The following ZNF737 variants were observed in gnomAD, a reference collection of about 807,000 sequenced individuals.
ZNF737 encodes the protein zinc finger protein 102 (Y3).
A neutral mutation model predicts 11.7 loss-of-function variants in ZNF737; 13 were observed. The observed-to-expected ratio is 1.11, with a 90% CI of 0.73 to 1.77. ZNF737 has a LOEUF of 1.77. Ranked by LOEUF, ZNF737 falls within the 40% of genes most tolerant of loss-of-function variation. ZNF737 has a pLI of 0.00. For missense variants in ZNF737, 636 were observed against 638.0 expected (o/e 1.00, Z 0.03); for synonymous variants, 217 against 216.2 (o/e 1.00, Z -0.03).
chr19:20,558,856 A>G (rs1968983493), intron 1 of ZNF737, among the ~76,000 whole-genome samples: 1 of 152,358 alleles, frequency 6.6e-6, no homozygotes, highest in Admixed American at 6.5e-5. Flanking sequence ...GACCAATGCA[A>G]CAGAATAGAG....
At chr19:20,536,976 G>A (rs1967990592), downstream of ZNF737, among the ~76,000 whole-genome samples, 1 of 151,972 alleles carries the variant, frequency 6.6e-6, no homozygotes, top group South Asian at 2.1e-4. Context: ...GGTGGCGGGT[G>A]CCTGTAGTCC....
downstream of ZNF737, among the ~76,000 whole-genome samples, chr19:20,537,509 CTATTT>C (rs1444061005): frequency 1.0e-3 from 60 of 58,456 alleles, no homozygotes; most frequent in African/African-American, 4.8e-3. Context: ...GCCTGGTTTT[CTATTT>C]TTTTTTTTTT....
In ZNF737 at chr19:20,544,918, C is replaced by T; in HGVS notation, c.1285G>A (p.Glu429Lys). Residue 429 changes from glutamate to lysine, a missense_variant, in exon 4 of 4, where the codon GAA becomes AAA. Glu to Lys is a moderately conservative substitution (Grantham distance 56). Transcript: ENST00000427401. ...AAGCACTTAAAGGCCTTGCCACATT[C>T]TTCACACTTGAAGGGTTGCTGTCCA... The part of the protein sequence containing the change: ...HTGQQPFKCE[E>K]CGKAFKCFSI... The T allele has an allele frequency of 1.9e-6, 3 of 1,612,670 alleles. No individual in the cohort carries two copies. The highest frequency in any genetic ancestry group is 1.1e-5 in the South Asian group (1 of 90,878).
chr19:20,563,185 C>G (rs1969168356), intron 1 of ZNF737, among the ~76,000 whole-genome samples: 1 of 16,892 alleles, frequency 5.9e-5, no homozygotes, highest in Non-Finnish European at 1.3e-4. Context: ...TTCATCTTAA[C>G]CTCAGCTGCA....
At chr19:20,533,917 GTGAA>G (rs1291528812), downstream of ZNF737, among the ~76,000 whole-genome samples, 1 of 150,148 alleles carries the variant, frequency 6.7e-6, no homozygotes, top group African/African-American at 2.5e-5. Flanking sequence ...CCTGGACTGA[GTGAA>G]TGGTGGTTCA....
intron 1 of ZNF737, among the ~76,000 whole-genome samples, chr19:20,564,861 TTAC>T (rs1453783772): frequency 6.6e-6 from 1 of 151,088 alleles, no homozygotes; most frequent in African/African-American, 2.4e-5. Flanking sequence ...TTTTGGGAAA[TTAC>T]TACATTAGGG....
chr19:20,545,058 G>T lies in ZNF737; in HGVS notation c.1145C>A (p.Ser382Ter). The T allele has an allele frequency of 6.2e-7, 1 of 1,613,862 alleles. No individual in the cohort carries two copies. The change falls in exon 4 of 4, where the codon TCA (serine) becomes TAA (stop). Residue 382 changes from serine to a stop codon, truncating the protein, a stop_gained. Coordinates refer to ENST00000427401, the MANE Select transcript of ZNF737 (RefSeq NM_001159293.2). LOFTEE classifies it low-confidence loss of function (END_TRUNC). ...AATTCTCTTATGTGTAGTAAGGTGT[G>T]AGGACCAGTTGAAGGCTTTGCCACA... ...EECGKAFNWS[S>*]HLTTHKRIHT...
At chr19:20,553,229 G>C (rs782514244) in intron 2 of ZNF737, among the ~76,000 whole-genome samples, 3 of 152,024 alleles carry the variant, frequency 2.0e-5, no homozygotes, top group Admixed American at 6.6e-5. Flanking sequence ...TTTGGATTAA[G>C]ATGAAACATC....
intron 3 of ZNF737, among the ~76,000 whole-genome samples, chr19:20,548,578 T>G (rs908947110): frequency 6.6e-6 from 1 of 152,136 alleles, no homozygotes; most frequent in East Asian, 1.9e-4. Context: ...AAAAGTCTTT[T>G]GCTTAACAAT....
Position 20,541,426 on chromosome 19 carries a change from A to T in ZNF737, c.*3166T>A. On this transcript the variant is annotated 3_prime_UTR_variant, in exon 4 of 4. Coordinates refer to ENST00000427401, the MANE Select transcript of ZNF737 (RefSeq NM_001159293.2). ...TTACAAGTATTTATAATTTTTCAGG[A>T]CTCAGAAATGTATGGATTTTATTTT... 1.0e-6 allele frequency: 1 copy of T among 978,496 alleles called. No homozygotes were observed. The allele number at this position is 978,496 out of a possible 1,614,324, so 60.6% of individuals were successfully genotyped here. A position where few individuals can be genotyped will look rare whatever the true frequency, so the allele number is the denominator to read the frequency against.
downstream of ZNF737, among the ~76,000 whole-genome samples, chr19:20,534,404 T>A (rs1413453493): frequency 6.7e-6 from 1 of 149,740 alleles, no homozygotes. Context: ...ATTGTGCCAT[T>A]GCACTCCAGC....
In ZNF737 at chr19:20,544,673, T is replaced by C; in HGVS notation, c.1530A>G (p.Lys510=). 6.2e-7 allele frequency: 1 copy of C among 1,606,726 alleles called. No individual in the cohort carries two copies. Among genetic ancestry groups the C allele is most frequent in the Non-Finnish European group, 8.5e-7 (1 of 1,177,440 alleles). The change falls in exon 4 of 4, where the codon AAA becomes AAG. Residue 510 remains lysine, a synonymous_variant. Coordinates refer to ENST00000427401, the MANE Select transcript of ZNF737 (RefSeq NM_001159293.2). ...KRIHTGEKPY[K]CEECGKGFKC... The stretch of plus-strand genomic sequence containing the variant: ...TAAAGCCTTTGCCACATTCTTCACA[T>C]TTGTAGGGTTTCTCTCCAGTATGAA...
chr19:20,560,243 A>T (rs1969040557), intron 1 of ZNF737, among the ~76,000 whole-genome samples: 1 of 151,074 alleles, frequency 6.6e-6, no homozygotes, highest in Admixed American at 6.6e-5. Context: ...GCTACTTGGG[A>T]ACATGAGGTA....
downstream of ZNF737, among the ~76,000 whole-genome samples, chr19:20,535,110 T>G (rs1163552228): frequency 7.5e-6 from 1 of 133,754 alleles, no homozygotes; most frequent in East Asian, 2.4e-4. Context: ...AAAGCCTGCC[T>G]CTACTAAAAA....
rs924326361 is a variant in ZNF737 at position 20,541,374 on chromosome 19, G to A, written c.*3218C>T. On this transcript the variant is annotated 3_prime_UTR_variant, in exon 4 of 4. Transcript: ENST00000427401. The stretch of plus-strand genomic sequence containing the variant: ...CTAAAAGTCTATGTGTTTGCAGGCA[G>A]AGACCACATGTTCAAGGAAAACTAT... 1.2e-5 allele frequency: 12 copies of A among 983,812 alleles called. No individual in the cohort carries two copies. The African/African-American group carries it at 2.1e-4, about 17-fold the overall frequency. The allele number at this position is 983,812 out of a possible 1,614,324, so 60.9% of individuals were successfully genotyped here.
chr19:20,546,606 T>G (rs1968464641), intron 3 of ZNF737, among the ~76,000 whole-genome samples: 1 of 152,172 alleles, frequency 6.6e-6, no homozygotes. Flanking sequence ...TTTATTAAAT[T>G]AAAAATACTA....
rs1445874459 is a variant in ZNF737 at position 20,538,674 on chromosome 19, G to A, written c.*5918C>T. 1.0e-6 allele frequency: 1 copy of A among 985,232 alleles called. No homozygotes were observed. The highest frequency in any genetic ancestry group is 1.2e-6 in the Non-Finnish European group (1 of 829,896). 61.0% of individuals were successfully genotyped at this position (985,232 alleles called of 1,614,324 possible). On this transcript the variant is annotated 3_prime_UTR_variant, in exon 4 of 4. Coordinates refer to ENST00000427401, the MANE Select transcript of ZNF737 (RefSeq NM_001159293.2). ...TTATGGACCCTGAGTAATTCAGGGG[G>A]AATTGGTATCTCTGTAAAGAGACAG...
intron 1 of ZNF737, among the ~76,000 whole-genome samples, chr19:20,562,835 T>C (rs1389347908): frequency 6.6e-6 from 1 of 152,108 alleles, no homozygotes. Context: ...CTACCCTCAG[T>C]CTGAGTCAGC....
At position 20,543,762 on chromosome 19, in the gene ZNF737, A is replaced by G. The variant is rs1968314486; in HGVS notation, c.*830T>C. 1 of 985,426 alleles carries G rather than the reference A, an allele frequency of 1.0e-6. No homozygotes were observed. Among genetic ancestry groups the G allele is most frequent in the East Asian group, 1.1e-4 (1 of 8,812 alleles). 61.0% of individuals were successfully genotyped at this position (985,426 alleles called of 1,614,324 possible). A position where few individuals can be genotyped will look rare whatever the true frequency, so the allele number is the denominator to read the frequency against. ...GTGTAGAGAAGTTGGAGGTGTTCGT[A>G]AAAGCAATGTCACATTTTTTAGCTT... On this transcript the variant is annotated 3_prime_UTR_variant, in exon 4 of 4. Coordinates refer to ENST00000427401, the MANE Select transcript of ZNF737 (RefSeq NM_001159293.2).
Sources: gnomAD v4.1 joint callset for allele counts (sites outside exome capture counted in the v4.1 genomes callset) on GRCh38, gnomAD v4.1.1 for gene constraint, MANE v1.5 for transcripts, NCBI Gene and HGNC (gene_info 2026-07-23, HGNC 2026-07-21) for gene names.